The following DIP2B variants were observed in gnomAD, a reference collection of about 807,000 sequenced individuals.
DIP2B encodes the protein disco-interacting protein 2 homolog B.
In DIP2B, 76 loss-of-function variants were observed where a neutral mutation model predicts 198.0. The observed-to-expected ratio is 0.38, with a 90% confidence interval of 0.32 to 0.46. DIP2B has a LOEUF of 0.46. DIP2B is among the 20% of genes least tolerant of loss of function. The probability of loss-of-function intolerance (pLI) is 0.99; values close to 1 mark genes in which losing one functional copy is unlikely to be tolerated. For synonymous variants in DIP2B, 701 were observed against 739.1 expected, an observed-to-expected ratio of 0.95 and a Z score of 0.84; for missense variants, 1,559 against 1,978.4, an observed-to-expected ratio of 0.79 and a Z score of 4.02.
intron 11 of DIP2B, among the ~76,000 whole-genome samples, chr12:50,686,180 G>A (rs537780437): frequency 6.6e-6 from 1 of 152,270 alleles, no homozygotes; most frequent in African/African-American, 2.4e-5. Flanking sequence ...TGGCAGAGCA[G>A]CAATTTGAAC....
At chr12:50,617,805 T>G (rs966299926) in intron 1 of DIP2B, among the ~76,000 whole-genome samples, 3 of 152,074 alleles carry the variant, frequency 2.0e-5, no homozygotes, top group African/African-American at 7.2e-5. Context: ...AGAGACTCCA[T>G]CTCAAAAAAA....
chr12:50,714,700 G>T, intron 23 of DIP2B, 104 bp downstream of exon 23: 1 of 1,412,266 alleles, frequency 7.1e-7, no homozygotes, highest in South Asian at 1.2e-5. Flanking sequence ...AAGACTTTGG[G>T]AGGCCAAGGT....
chr12:50,650,304 C>T (rs1410100151), intron 3 of DIP2B, among the ~76,000 whole-genome samples: 1 of 152,066 alleles, frequency 6.6e-6, no homozygotes, highest in Admixed American at 6.6e-5. Flanking sequence ...TTAAAAATGA[C>T]ATAAAATATT....
chr12:50,535,355 C>T (rs1958254093), intron 1 of DIP2B, among the ~76,000 whole-genome samples: 1 of 150,958 alleles, frequency 6.6e-6, no homozygotes, highest in African/African-American at 2.4e-5. Flanking sequence ...TGCTTGAGCC[C>T]AGGAATCAGG....
chr12:50,587,190 C>A (rs753246133), intron 1 of DIP2B, among the ~76,000 whole-genome samples: 1 of 152,202 alleles, frequency 6.6e-6, no homozygotes, highest in Non-Finnish European at 1.5e-5. Flanking sequence ...CAAGCAGGAT[C>A]TTTCTTCACT....
chr12:50,736,542 C>T (rs1565886636), intron 34 of DIP2B, among the ~76,000 whole-genome samples: 1 of 152,094 alleles, frequency 6.6e-6, no homozygotes, highest in African/African-American at 2.4e-5. Flanking sequence ...CAAGGATATC[C>T]TTCTGTCCTG....
At chr12:50,591,117 T>C (rs1156297295) in intron 1 of DIP2B, among the ~76,000 whole-genome samples, 1 of 152,210 alleles carries the variant, frequency 6.6e-6, no homozygotes, top group Non-Finnish European at 1.5e-5. Flanking sequence ...CTTCTCAGCC[T>C]CCATAACTGT....
At chr12:50,692,222 T>G (rs776324798) in intron 13 of DIP2B, among the ~76,000 whole-genome samples, 1 of 152,070 alleles carries the variant, frequency 6.6e-6, no homozygotes, top group Non-Finnish European at 1.5e-5. Flanking sequence ...ACATTAGATA[T>G]CTATCTAGAT....
intron 3 of DIP2B, among the ~76,000 whole-genome samples, chr12:50,643,405 CTGTGTG>C (rs57483938): frequency 0.046 from 6,022 of 131,116 alleles, 236 homozygotes; most frequent in African/African-American, 0.11. Flanking sequence ...GGGAGTTTTT[CTGTGTG>C]TGTGTGTGTG....
At chr12:50,716,025 C>T (rs1224582177) in intron 23 of DIP2B, among the ~76,000 whole-genome samples, 2 of 152,210 alleles carry the variant, frequency 1.3e-5, no homozygotes, top group Non-Finnish European at 2.9e-5. Flanking sequence ...TCACGAAATG[C>T]ACACAGAAGA....
At chr12:50,601,084 T>C (rs1450946951) in intron 1 of DIP2B, among the ~76,000 whole-genome samples, 1 of 152,194 alleles carries the variant, frequency 6.6e-6, no homozygotes, top group Non-Finnish European at 1.5e-5. Context: ...TCATTCCATA[T>C]AATCTGTTTA....
intron 4 of DIP2B, 61 bp from the exon 5 acceptor site, chr12:50,671,125 G>T: frequency 1.3e-6 from 2 of 1,533,044 alleles, no homozygotes; most frequent in Non-Finnish European, 1.8e-6. Context: ...CAATGAGCAA[G>T]AACTGAAAAG....
At chr12:50,677,605 ACT>A (rs1365172929) in intron 7 of DIP2B, among the ~76,000 whole-genome samples, 1 of 151,588 alleles carries the variant, frequency 6.6e-6, no homozygotes, top group African/African-American at 2.4e-5. Context: ...ACAGAGCAAG[ACT>A]CTGTCGTGGG....
chr12:50,712,023 A>C (rs1237856055), intron 22 of DIP2B, among the ~76,000 whole-genome samples: 1 of 152,024 alleles, frequency 6.6e-6, no homozygotes, highest in African/African-American at 2.4e-5. Flanking sequence ...TGAATAAATA[A>C]ATTAGCTAGA....
Position 50,704,231 on chromosome 12 carries a change from C to T in DIP2B, c.2406+11C>T, listed in dbSNP as rs200504343. 3 of 1,604,854 alleles carry T rather than the reference C, an allele frequency of 1.9e-6. No homozygotes were observed. In the African/African-American group the frequency reaches 4.0e-5, roughly 22 times the overall value. ...GGGTTTGTAGGGCCGGTAAGTGATG[C>T]TTTCATGTTGATTTTGTTACATTTG... On this transcript the variant is annotated intron_variant, in intron 20 of 37. Coordinates refer to ENST00000301180, the MANE Select transcript of DIP2B (RefSeq NM_173602.3).
Position 50,550,890 on chromosome 12 carries a change from G to A in DIP2B, c.100+45650G>A, listed in dbSNP as rs373396495. Among the ~76,000 whole-genome samples the A allele has an allele frequency of 2.6e-5, 4 of 152,150 alleles. No homozygotes were observed. The East Asian group carries it at 5.8e-4, about 22-fold the overall frequency. On this transcript the variant is annotated intron_variant, in intron 1 of 37. Coordinates refer to ENST00000301180, the MANE Select transcript of DIP2B (RefSeq NM_173602.3). ...TATAATCCCAGCACTTTGGGAGGCC[G>A]AGGTGGGTGAATTGCTTGAGTCCAG...
intron 1 of DIP2B, among the ~76,000 whole-genome samples, chr12:50,512,668 G>C (rs1958028704): frequency 6.6e-6 from 1 of 152,080 alleles, no homozygotes; most frequent in African/African-American, 2.4e-5. Context: ...TGTGACTTTG[G>C]ACAAACTGTC....
chr12:50,592,368 G>T lies in DIP2B; in HGVS notation c.101-33608G>T, dbSNP rs565283543. Reference sequence around the variant, plus strand: ...TTTTAATTTTTTTTGTTGTGACAAGGTTTCATGTTGTTGCCTAGGGTCAAG... The same window carrying T: ...TTTTAATTTTTTTTGTTGTGACAAGTTTTCATGTTGTTGCCTAGGGTCAAG... On this transcript the variant is annotated intron_variant, in intron 1 of 37. Coordinates refer to ENST00000301180, the MANE Select transcript of DIP2B (RefSeq NM_173602.3). Among the ~76,000 whole-genome samples, 4 of 152,004 alleles carry T rather than the reference G, an allele frequency of 2.6e-5. No individual in the cohort carries two copies. In the East Asian group the frequency reaches 5.8e-4, roughly 22 times the overall value.
At chr12:50,571,793 C>G (rs539434471) in intron 1 of DIP2B, among the ~76,000 whole-genome samples, 1 of 151,578 alleles carries the variant, frequency 6.6e-6, no homozygotes, top group African/African-American at 2.4e-5. Flanking sequence ...CTCTTGACCT[C>G]GTGATCCTCC....
Sources: allele counts gnomAD v4.1 joint callset (sites outside exome capture counted in the v4.1 genomes callset), GRCh38; gene constraint gnomAD v4.1.1; transcripts MANE v1.5; gene names NCBI Gene and HGNC (gene_info 2026-07-23, HGNC 2026-07-21).